TMEM178B: variants seen among roughly 807,000 people sequenced by gnomAD.
The protein encoded by TMEM178B is transmembrane protein 178B.
In TMEM178B, 5 loss-of-function variants were observed where a neutral mutation model predicts 31.0. That is an observed-to-expected ratio of 0.16 (90% CI 0.08 to 0.34). The LOEUF is 0.34. Ranked by LOEUF, TMEM178B falls within the 10% of genes least tolerant of loss-of-function variation. The probability of loss-of-function intolerance (pLI) is 1.00; values close to 1 mark genes in which losing one functional copy is unlikely to be tolerated. For missense variants in TMEM178B, 275 were observed against 400.3 expected, an observed-to-expected ratio of 0.69 and a Z score of 2.67; for synonymous variants, 164 against 164.0, an observed-to-expected ratio of 1.00 and a Z score of 0.00.
At chr7:141,081,499 G>A (rs926108769) in intron 1 of TMEM178B, among the ~76,000 whole-genome samples, 5 of 152,100 alleles carry the variant, frequency 3.3e-5, no homozygotes, top group African/African-American at 1.2e-4. Flanking sequence ...AACCAGGCAT[G>A]GTGGCACATG....
At chr7:141,228,968 C>T (rs1246999116) in intron 2 of TMEM178B, among the ~76,000 whole-genome samples, 5 of 150,702 alleles carry the variant, frequency 3.3e-5, no homozygotes, top group Non-Finnish European at 7.4e-5. Context: ...GATGGAGTCT[C>T]CAGAGACAGA....
intron 2 of TMEM178B, among the ~76,000 whole-genome samples, chr7:141,221,463 G>A (rs919810937): frequency 1.3e-5 from 2 of 152,240 alleles, no homozygotes; most frequent in South Asian, 4.1e-4. Context: ...AAGTCCTGTA[G>A]GTGCTACTTT....
intron 2 of TMEM178B, among the ~76,000 whole-genome samples, chr7:141,400,398 A>C (rs1241466491): frequency 6.6e-6 from 1 of 152,132 alleles, no homozygotes; most frequent in African/African-American, 2.4e-5. Context: ...TTTTGCTGCC[A>C]CTGCTTCAAC....
intron 2 of TMEM178B, among the ~76,000 whole-genome samples, chr7:141,429,022 A>C (rs529072081): frequency 6.6e-6 from 1 of 152,294 alleles, no homozygotes; most frequent in African/African-American, 2.4e-5. Context: ...GACAAAGGAT[A>C]ACAAGTACTG....
At chr7:141,197,038 C>A (rs1043559340) in intron 1 of TMEM178B, among the ~76,000 whole-genome samples, 7 of 152,154 alleles carry the variant, frequency 4.6e-5, no homozygotes, top group African/African-American at 1.7e-4. Context: ...TTTTGTTAAA[C>A]CATGACAGAT....
chr7:141,463,031 G>C (rs1219695912), intron 3 of TMEM178B, among the ~76,000 whole-genome samples: 1 of 152,180 alleles, frequency 6.6e-6, no homozygotes, highest in African/African-American at 2.4e-5. Context: ...CTGGAGCTCA[G>C]GGGTCTGCAG....
At chr7:141,409,318 G>A (rs1011765029) in intron 2 of TMEM178B, among the ~76,000 whole-genome samples, 4 of 152,124 alleles carry the variant, frequency 2.6e-5, no homozygotes, top group African/African-American at 9.7e-5. Context: ...CTTGCTAACT[G>A]CATTTTAGAC....
intron 1 of TMEM178B, among the ~76,000 whole-genome samples, chr7:141,111,902 C>T (rs1389183939): frequency 6.6e-6 from 1 of 152,112 alleles, no homozygotes; most frequent in African/African-American, 2.4e-5. Context: ...TCTGATTATA[C>T]CCCTCAATAA....
chr7:141,093,898 A>G (rs1166522828), intron 1 of TMEM178B, among the ~76,000 whole-genome samples: 2 of 152,206 alleles, frequency 1.3e-5, no homozygotes, highest in Non-Finnish European at 2.9e-5. Context: ...CTTGACCAAG[A>G]GTGAATGGAA....
intron 3 of TMEM178B, among the ~76,000 whole-genome samples, chr7:141,451,899 G>A (rs1209310017): frequency 1.3e-5 from 2 of 152,132 alleles, no homozygotes; most frequent in Non-Finnish European, 2.9e-5. Context: ...TCTTGGAGAT[G>A]TGCTTACTCC....
At chr7:141,396,794 G>C (rs1800665679) in intron 2 of TMEM178B, among the ~76,000 whole-genome samples, 1 of 152,218 alleles carries the variant, frequency 6.6e-6, no homozygotes, top group Admixed American at 6.5e-5. Flanking sequence ...CAGCATTGCA[G>C]AGTGGAAATG....
Position 141,341,188 on chromosome 7 carries a change from G to A in TMEM178B, c.497-96420G>A, listed in dbSNP as rs143981544. 2.1e-3 allele frequency among the ~76,000 whole-genome samples: 314 copies of A among 152,248 alleles called. 1 individual carries two copies. Among genetic ancestry groups the A allele is most frequent in the African/African-American group, 6.9e-3 (288 of 41,534 alleles). On this transcript the variant is annotated intron_variant, in intron 2 of 3. Coordinates refer to ENST00000565468, the MANE Select transcript of TMEM178B (RefSeq NM_001195278.2). ...GAGGGATGCAAACTGCTTGCCGGTT[G>A]TTGTTTCTATGGAAACTGGCAGAGA...
intron 2 of TMEM178B, among the ~76,000 whole-genome samples, chr7:141,261,927 C>A (rs577337060): frequency 9.2e-5 from 14 of 152,102 alleles, no homozygotes; most frequent in Admixed American, 6.6e-5. Flanking sequence ...CTGTTTCCAA[C>A]AAAATAAATT....
intron 1 of TMEM178B, among the ~76,000 whole-genome samples, chr7:141,181,277 T>G (rs1028865893): frequency 1.3e-5 from 2 of 152,228 alleles, no homozygotes; most frequent in Admixed American, 1.3e-4. Flanking sequence ...CAACACACAA[T>G]AAGTTCTTGA....
chr7:141,279,275 A>T (rs1798315469), intron 2 of TMEM178B, among the ~76,000 whole-genome samples: 1 of 152,008 alleles, frequency 6.6e-6, no homozygotes, highest in South Asian at 2.1e-4. Flanking sequence ...TAAACTTTTC[A>T]TTTGTTTATT....
chr7:141,246,367 C>T (rs1483818035), intron 2 of TMEM178B, among the ~76,000 whole-genome samples: 2 of 152,200 alleles, frequency 1.3e-5, no homozygotes, highest in African/African-American at 2.4e-5. Context: ...TTCATGATTT[C>T]AGCATGTATT....
intron 2 of TMEM178B, among the ~76,000 whole-genome samples, chr7:141,356,020 C>G (rs1215439997): frequency 6.6e-6 from 1 of 152,202 alleles, no homozygotes; most frequent in Non-Finnish European, 1.5e-5. Context: ...CAGCTGCAAC[C>G]ATGTTGCTAC....
chr7:141,417,558 G>T (rs373101647), intron 2 of TMEM178B, among the ~76,000 whole-genome samples: 5 of 152,312 alleles, frequency 3.3e-5, no homozygotes, highest in African/African-American at 1.2e-4. Context: ...CTACATGATT[G>T]GCACTTCTTA....
At chr7:141,241,246 G>T (rs527856845) in intron 2 of TMEM178B, among the ~76,000 whole-genome samples, 2 of 151,552 alleles carry the variant, frequency 1.3e-5, no homozygotes, top group South Asian at 4.2e-4. Context: ...GAAGTTTCCT[G>T]CTTTCCTGGT....
Sources: allele counts gnomAD v4.1 joint callset (sites outside exome capture counted in the v4.1 genomes callset), GRCh38; gene constraint gnomAD v4.1.1; transcripts MANE v1.5; gene names NCBI Gene and HGNC (gene_info 2026-07-23, HGNC 2026-07-21).